The following PCDHGA5 variants were observed in gnomAD, a reference collection of about 807,000 sequenced individuals.
PCDHGA5 encodes the protein protocadherin gamma-A5.
PCDHGA5 carries 36 observed loss-of-function variants against 56.7 expected under a neutral mutation model. That is an observed-to-expected ratio of 0.64 (90% CI 0.49 to 0.84). The LOEUF (loss-of-function observed/expected upper bound fraction) is 0.84, where lower values mean the gene tolerates loss of function less well. PCDHGA5 is among the 40% of genes least tolerant of loss of function. The pLI is 0.00. For missense variants in PCDHGA5, 1,305 were observed against 1,201.5 expected, an observed-to-expected ratio of 1.09 and a Z score of -1.27; for synonymous variants, 563 against 520.2, an observed-to-expected ratio of 1.08 and a Z score of -1.12.
intron 1 of PCDHGA5, among the ~76,000 whole-genome samples, chr5:141,386,638 G>A (rs1376557329): frequency 6.6e-6 from 1 of 151,840 alleles, no homozygotes; most frequent in Non-Finnish European, 1.5e-5. Flanking sequence ...CACCCAGGCT[G>A]GATACATTTT....
chr5:141,405,840 A>ATATCAGTGT (rs2094725824), intron 1 of PCDHGA5, among the ~76,000 whole-genome samples: 1 of 152,188 alleles, frequency 6.6e-6, no homozygotes, highest in Non-Finnish European at 1.5e-5. Context: ...GTATAAGTTG[A>ATATCAGTGT]TATCAGTGTG....
At chr5:141,382,737 A>G (rs1186872738) in intron 1 of PCDHGA5, 2 of 571,884 alleles carry the variant, frequency 3.5e-6, no homozygotes, top group African/African-American at 3.7e-5. Context: ...GCACAGAGAA[A>G]CGACAGATTG....
chr5:141,389,303 G>A (rs773665051), intron 1 of PCDHGA5: 4 of 1,613,882 alleles, frequency 2.5e-6, no homozygotes, highest in Non-Finnish European at 3.4e-6. Context: ...CACAAGTCAG[G>A]GCTTCTGATC....
Position 141,399,953 on chromosome 5 carries a change from A to G in PCDHGA5, c.2421+33202A>G, listed in dbSNP as rs1257117587. ...TCCTACCACGTGCTGCAGGCTAGCGAGCCCGGGCTCTTCAGCCTGGGGCTG... is the reference window on the plus strand; with the variant it reads ...TCCTACCACGTGCTGCAGGCTAGCGGGCCCGGGCTCTTCAGCCTGGGGCTG... On this transcript the variant is annotated intron_variant, in intron 1 of 3. Coordinates refer to ENST00000518069, the MANE Select transcript of PCDHGA5 (RefSeq NM_018918.3). The G allele has an allele frequency of 2.5e-5, 40 of 1,612,030 alleles. 1 individual carries two copies. Among genetic ancestry groups the G allele is most frequent in the Non-Finnish European group, 3.4e-5 (40 of 1,179,690 alleles).
intron 1 of PCDHGA5, among the ~76,000 whole-genome samples, chr5:141,439,459 A>C (rs558086952): frequency 6.6e-6 from 1 of 152,222 alleles, no homozygotes. Flanking sequence ...GCAAGACTGC[A>C]CTGCTGCCTT....
At chr5:141,504,634 AG>A (rs2099839600) in intron 2 of PCDHGA5, among the ~76,000 whole-genome samples, 1 of 115,756 alleles carries the variant, frequency 8.6e-6, no homozygotes, top group Non-Finnish European at 1.7e-5. Context: ...ACCTTGGAAA[AG>A]GTTTGATGAT....
rs775989253 is a variant in PCDHGA5 at position 141,491,769 on chromosome 5, G to A, written c.2422-3038G>A. On this transcript the variant is annotated intron_variant, in intron 1 of 3. Transcript: ENST00000518069. The surrounding 1 kb of genome is among the most constrained non-coding windows in gnomAD (Gnocchi z 6.9). ...CTGGAGAAGCCGCCCGTCCTCATAA[G>A]GGATTGAACTTGCATCCACTCCTCT... 6.4e-7 allele frequency: 1 copy of A among 1,562,376 alleles called. No homozygotes were observed. Among genetic ancestry groups the A allele is most frequent in the African/African-American group, 1.4e-5 (1 of 73,058 alleles).
Position 141,491,508 on chromosome 5 carries a change from G to A in PCDHGA5, c.2422-3299G>A. The A allele has an allele frequency of 6.2e-7, 1 of 1,614,030 alleles. No individual in the cohort carries two copies. The highest frequency in any genetic ancestry group is 8.5e-7 in the Non-Finnish European group (1 of 1,180,014). The stretch of plus-strand genomic sequence containing the variant: ...ACCTGCAGGTGAGCTCGGACGGCAC[G>A]CTCAAGTACATGGAGGTGACGCTGC... On this transcript the variant is annotated intron_variant, in intron 1 of 3. Transcript: ENST00000518069. This position sits in a 1 kb window ranked among gnomAD's most constrained non-coding sequence, Gnocchi z 6.9.
At chr5:141,449,888 A>G (rs544369390) in intron 1 of PCDHGA5, among the ~76,000 whole-genome samples, 1 of 151,990 alleles carries the variant, frequency 6.6e-6, no homozygotes, top group Non-Finnish European at 1.5e-5. Flanking sequence ...ATGCAATATA[A>G]TTATTTAGCC....
intron 1 of PCDHGA5, chr5:141,427,490 T>C (rs752745429): frequency 1.8e-6 from 1 of 551,082 alleles, no homozygotes; most frequent in Non-Finnish European, 3.5e-6. Flanking sequence ...ACTATAAGCT[T>C]GTAACAGATG....
chr5:141,409,725 G>A (rs1416188591), intron 1 of PCDHGA5: 1 of 1,613,172 alleles, frequency 6.2e-7, no homozygotes, highest in Non-Finnish European at 8.5e-7. Context: ...GTGTCAGTGA[G>A]CGCGCAGAGC....
chr5:141,489,069 C>G lies in PCDHGA5; in HGVS notation c.2422-5738C>G. ...TCAAATTCAGCTCCCCTCCCCCCTGCCCACCCCCGCCACTCGGTGACTAAG... is the reference window on the plus strand; with the variant it reads ...TCAAATTCAGCTCCCCTCCCCCCTGGCCACCCCCGCCACTCGGTGACTAAG... On this transcript the variant is annotated intron_variant, in intron 1 of 3. Coordinates refer to ENST00000518069, the MANE Select transcript of PCDHGA5 (RefSeq NM_018918.3). The surrounding 1 kb of genome is among the most constrained non-coding windows in gnomAD (Gnocchi z 4.5). 6.4e-5 allele frequency: 18 copies of G among 281,056 alleles called. No homozygotes were observed. Among genetic ancestry groups the G allele is most frequent in the Middle Eastern group, 1.1e-3 (1 of 944 alleles). 17.4% of individuals were successfully genotyped at this position (281,056 alleles called of 1,614,324 possible).
At chr5:141,372,835 C>G in intron 1 of PCDHGA5, 2 of 1,535,142 alleles carry the variant, frequency 1.3e-6, no homozygotes, top group Non-Finnish European at 1.8e-6. Flanking sequence ...CCTTTCCTTC[C>G]ATAAATATAA....
intron 1 of PCDHGA5, chr5:141,370,655 C>A: frequency 6.2e-7 from 1 of 1,613,826 alleles, no homozygotes; most frequent in Non-Finnish European, 8.5e-7. Context: ...TACTTGTGAG[C>A]GACCGTATAG....
chr5:141,475,929 C>A, intron 1 of PCDHGA5: 1 of 634,624 alleles, frequency 1.6e-6, no homozygotes, highest in Non-Finnish European at 2.7e-6. Context: ...GGAGATCGGG[C>A]CCCTGCCCGT....
intron 1 of PCDHGA5, chr5:141,393,501 G>C (rs754946327): frequency 1.9e-6 from 3 of 1,614,044 alleles, no homozygotes; most frequent in Non-Finnish European, 2.5e-6. Flanking sequence ...GCGCATCCAC[G>C]TGACAGTGTT....
intron 1 of PCDHGA5, among the ~76,000 whole-genome samples, chr5:141,437,573 G>A (rs923321760): frequency 1.3e-5 from 2 of 152,164 alleles, no homozygotes; most frequent in African/African-American, 4.8e-5. Flanking sequence ...GAGTATAGCT[G>A]TGATCATGAA....
At chr5:141,385,098 G>A (rs1175088584) in intron 1 of PCDHGA5, 2 of 1,614,080 alleles carry the variant, frequency 1.2e-6, no homozygotes, top group Non-Finnish European at 1.7e-6. Flanking sequence ...GTGGCTTGGC[G>A]AACGTGCCCA....
Position 141,376,575 on chromosome 5 carries a change from C to T in PCDHGA5, c.2421+9824C>T, listed in dbSNP as rs149813666. ...CCCGCAACCCAACTAATCAGACAGG[C>T]TCATCAGCTAGATCGGCTGTTATAG... On this transcript the variant is annotated intron_variant, in intron 1 of 3. Transcript: ENST00000518069. 4.5e-5 allele frequency: 72 copies of T among 1,597,700 alleles called. No individual in the cohort carries two copies. The East Asian group carries it at 1.4e-3, about 32-fold the overall frequency.
Sources: gnomAD v4.1 joint callset for allele counts (sites outside exome capture counted in the v4.1 genomes callset) on GRCh38, gnomAD v4.1.1 for gene constraint, Gnocchi (gnomAD v3.1) non-coding constraint, MANE v1.5 for transcripts, NCBI Gene and HGNC (gene_info 2026-07-23, HGNC 2026-07-21) for gene names.